Variants in IGF2R observed in about 807,000 individuals in gnomAD.
IGF2R encodes cation-independent mannose-6-phosphate receptor.
Under a neutral mutation model 270.6 loss-of-function variants are expected in IGF2R, and 91 were observed. The observed-to-expected ratio is 0.34, with a 90% confidence interval of 0.28 to 0.40. The LOEUF (loss-of-function observed/expected upper bound fraction) is 0.40. Among genes scored for constraint, IGF2R ranks in the 10% least tolerant of loss-of-function variants. IGF2R has a pLI of 1.00. For synonymous variants in IGF2R, 1,316 were observed against 1,258.9 expected, an observed-to-expected ratio of 1.05 and a Z score of -0.96; for missense variants, 2,805 against 3,188.3, an observed-to-expected ratio of 0.88 and a Z score of 2.90.
chr6:160,040,428 TAA>T (rs1777919151), intron 10 of IGF2R, 130 bp from the exon 11 acceptor site: 1 of 694,816 alleles, frequency 1.4e-6, no homozygotes, highest in Non-Finnish European at 2.5e-6. Flanking sequence ...CCATGGTCTC[TAA>T]AAAAACCTGG....
At chr6:160,074,080 A>G in intron 35 of IGF2R, 105 bp downstream of exon 35, 1 of 775,960 alleles carries the variant, frequency 1.3e-6, no homozygotes, top group South Asian at 1.7e-5. Context: ...AGCATAAAAA[A>G]AATGGAGAAA....
intron 45 of IGF2R, among the ~76,000 whole-genome samples, chr6:160,099,284 A>C (rs1372590265): frequency 6.6e-6 from 1 of 152,250 alleles, no homozygotes; most frequent in African/African-American, 2.4e-5. Context: ...GGAAACTGCA[A>C]CTTTATGTGA....
chr6:160,069,347 CTGTG>C (rs1778664368), intron 30 of IGF2R, among the ~76,000 whole-genome samples: 1 of 152,136 alleles, frequency 6.6e-6, no homozygotes, highest in African/African-American at 2.4e-5. Context: ...GTTCCATCCT[CTGTG>C]TGGTTTGAGG....
chr6:160,017,311 A>G (rs1474939369), intron 4 of IGF2R, among the ~76,000 whole-genome samples: 5 of 152,228 alleles, frequency 3.3e-5, no homozygotes, highest in Admixed American at 1.3e-4. Flanking sequence ...TAATCCAATC[A>G]GGCAAAAACA....
At chr6:159,969,722 G>A (rs570766200) in intron 1 of IGF2R, among the ~76,000 whole-genome samples, 1 of 152,282 alleles carries the variant, frequency 6.6e-6, no homozygotes, top group East Asian at 1.9e-4. Flanking sequence ...GCCCTCGCGC[G>A]GCCGGGCGTC....
intron 36 of IGF2R, 150 bp from the exon 37 acceptor site, chr6:160,078,051 C>T: frequency 1.4e-6 from 1 of 717,586 alleles, no homozygotes; most frequent in Non-Finnish European, 2.4e-6. Flanking sequence ...TTGAAGATGG[C>T]ATTGGGTCTT....
Position 160,110,649 on chromosome 6 carries a change from A to G in IGF2R, c.*5565A>G, listed in dbSNP as rs1458627251. The G allele has an allele frequency of 3.3e-5, 5 of 152,240 alleles. No homozygotes were observed. Among genetic ancestry groups the G allele is most frequent in the South Asian group, 4.1e-4 (2 of 4,820 alleles). The allele number at this position is 152,240 out of a possible 1,614,324, so 9.4% of individuals were successfully genotyped here. Reference sequence around the variant, plus strand: ...TGCAGCATTATTCACAATAGCCAAGATAGGGAAAAAGCCTCAGTGTCTACT... The same window carrying G: ...TGCAGCATTATTCACAATAGCCAAGGTAGGGAAAAAGCCTCAGTGTCTACT... On this transcript the variant is annotated 3_prime_UTR_variant, in exon 48 of 48. Coordinates refer to ENST00000356956, the MANE Select transcript of IGF2R (RefSeq NM_000876.4).
intron 21 of IGF2R, 40 bp downstream of exon 21, chr6:160,058,164 A>AG (rs1491423774): frequency 7.4e-7 from 1 of 1,347,716 alleles, no homozygotes; most frequent in Non-Finnish European, 1.1e-6. Flanking sequence ...GCTTTGAAAC[A>AG]GGGGGAGAGT....
rs143207263 is a variant in IGF2R, at chr6:160,084,137, G to A, written c.6021G>A (p.Leu2007=). Residue 2007 remains leucine, a synonymous_variant, in exon 40 of 48, where the codon CTG becomes CTA. Transcript: ENST00000356956. This position sits in a 1 kb window ranked among gnomAD's most constrained non-coding sequence, Gnocchi z 4.6. ...AACACAAAACCTACGACCTGCGGCT[G>A]CTCTCCTCTCTCACCGGGTCCTGGT... The part of the protein sequence containing the change: ...VQKHKTYDLR[L]LSSLTGSWSL... The A allele has an allele frequency of 5.0e-5, 80 of 1,614,132 alleles. No individual in the cohort carries two copies. In the African/African-American group the frequency reaches 9.7e-4, roughly 20 times the overall value.
At chr6:160,082,772 G>C (rs1779014003) in intron 39 of IGF2R, among the ~76,000 whole-genome samples, 1 of 152,266 alleles carries the variant, frequency 6.6e-6, no homozygotes, top group African/African-American at 2.4e-5. Flanking sequence ...ATCAACATGA[G>C]ATGTGGCCAG....
chr6:160,024,439 T>A, intron 4 of IGF2R, 133 bp from the exon 5 acceptor site: 1 of 805,962 alleles, frequency 1.2e-6, no homozygotes, highest in Non-Finnish European at 2.0e-6. Context: ...TTTGCCTGAG[T>A]TCGTTATTAG....
chr6:160,030,822 G>GTTTT (rs554469035), intron 7 of IGF2R, among the ~76,000 whole-genome samples: 2 of 133,666 alleles, frequency 1.5e-5, no homozygotes, highest in Non-Finnish European at 1.6e-5. Context: ...AGTTCCCTCT[G>GTTTT]TTTTTTTTTT....
intron 11 of IGF2R, among the ~76,000 whole-genome samples, chr6:160,042,593 A>G (rs190157441): frequency 2.2e-4 from 33 of 152,264 alleles, no homozygotes; most frequent in African/African-American, 5.8e-4. Context: ...CACACTGACC[A>G]GCTCACCAGT....
intron 31 of IGF2R, among the ~76,000 whole-genome samples, 157 bp downstream of exon 31, chr6:160,070,215 G>A (rs893725357): frequency 6.6e-6 from 1 of 152,202 alleles, no homozygotes. Flanking sequence ...GCGTCGCCGC[G>A]GCCTGCAATC....
At chr6:160,035,048 A>T (rs932630676) in intron 10 of IGF2R, among the ~76,000 whole-genome samples, 7 of 152,186 alleles carry the variant, frequency 4.6e-5, no homozygotes, top group Admixed American at 3.3e-4. Context: ...TCACCAAGGC[A>T]CTGGCATATC....
chr6:160,052,878 A>G (rs932518662), intron 19 of IGF2R, among the ~76,000 whole-genome samples: 2 of 152,242 alleles, frequency 1.3e-5, no homozygotes, highest in Non-Finnish European at 2.9e-5. Flanking sequence ...CTGGCTAGCC[A>G]TATGTAGAAA....
intron 1 of IGF2R, among the ~76,000 whole-genome samples, chr6:159,970,308 A>C (rs941800334): frequency 2.0e-5 from 3 of 152,228 alleles, no homozygotes; most frequent in African/African-American, 7.2e-5. Flanking sequence ...AAAAGGAAGC[A>C]GGATGAAAAG....
intron 2 of IGF2R, 23 bp from the exon 3 acceptor site, chr6:160,008,987 C>G: frequency 6.2e-7 from 1 of 1,612,234 alleles, no homozygotes; most frequent in Non-Finnish European, 8.5e-7. Flanking sequence ...ATAGCCTGTT[C>G]ACTCTCTTTT....
chr6:160,077,932 C>T (rs1039512806), intron 36 of IGF2R, among the ~76,000 whole-genome samples: 2 of 152,200 alleles, frequency 1.3e-5, no homozygotes, highest in African/African-American at 4.8e-5. Context: ...TCCTTTGAAC[C>T]CGTAGCACAG....
Sources: gnomAD v4.1 joint callset for allele counts (sites outside exome capture counted in the v4.1 genomes callset) on GRCh38, gnomAD v4.1.1 for gene constraint, Gnocchi (gnomAD v3.1) non-coding constraint, MANE v1.5 for transcripts, NCBI Gene and HGNC (gene_info 2026-07-23, HGNC 2026-07-21) for gene names.